PRKCE: variants seen among roughly 807,000 people sequenced by gnomAD.
PRKCE encodes protein kinase C epsilon type.
Under a neutral mutation model 85.4 loss-of-function variants are expected in PRKCE, and 16 were observed. The observed-to-expected ratio is 0.19, with a 90% CI of 0.13 to 0.28. The LOEUF (loss-of-function observed/expected upper bound fraction) is 0.28. Ranked by LOEUF, PRKCE falls within the 10% of genes least tolerant of loss-of-function variation. The pLI is 1.00. For synonymous variants in PRKCE, 388 were observed against 371.5 expected (o/e 1.04, Z -0.51); for missense variants, 573 against 975.2 (o/e 0.59, Z 5.49).
chr2:46,079,951 T>C (rs547517685), intron 10 of PRKCE, among the ~76,000 whole-genome samples: 1 of 152,342 alleles, frequency 6.6e-6, no homozygotes, highest in Admixed American at 6.5e-5. Flanking sequence ...TCTTTCCTAA[T>C]TTTATTATTT....
In PRKCE at chr2:46,138,825, G is replaced by A. The variant is rs879300329; in HGVS notation, c.1593-6268G>A. 3.3e-5 allele frequency among the ~76,000 whole-genome samples: 5 copies of A among 152,126 alleles called. No homozygotes were observed. The highest frequency in any genetic ancestry group is 7.4e-5 in the Non-Finnish European group (5 of 68,022). On this transcript the variant is annotated intron_variant, in intron 11 of 14. Transcript: ENST00000306156. The surrounding 1 kb of genome is among the most constrained non-coding windows in gnomAD (Gnocchi z 4.2). ...TAAACATCCTGTAGTACACAGCACA[G>A]CCCCCCACAACACAGGATTATCCAG...
At chr2:45,796,534 G>A (rs1687451521) in intron 1 of PRKCE, among the ~76,000 whole-genome samples, 1 of 152,106 alleles carries the variant, frequency 6.6e-6, no homozygotes, top group South Asian at 2.1e-4. Context: ...TTGAGAGGTG[G>A]CACTGTCTTA....
chr2:45,968,404 C>T (rs1701878232), intron 2 of PRKCE, among the ~76,000 whole-genome samples: 1 of 152,086 alleles, frequency 6.6e-6, no homozygotes, highest in South Asian at 2.1e-4. Flanking sequence ...CATGTTCTCA[C>T]TTAAAAGCAG....
intron 1 of PRKCE, among the ~76,000 whole-genome samples, chr2:45,664,149 T>A (rs1285527956): frequency 6.6e-6 from 1 of 152,230 alleles, no homozygotes; most frequent in Non-Finnish European, 1.5e-5. Flanking sequence ...AATTTTCTTT[T>A]GTTTGTTTAT....
chr2:46,098,109 G>T (rs767854586), intron 11 of PRKCE, among the ~76,000 whole-genome samples: 1 of 152,158 alleles, frequency 6.6e-6, no homozygotes, highest in African/African-American at 2.4e-5. Context: ...TGTGTTCAGA[G>T]CAAAAATTAT....
chr2:45,752,140 C>G (rs575424151), intron 1 of PRKCE, among the ~76,000 whole-genome samples: 24 of 152,312 alleles, frequency 1.6e-4, no homozygotes, highest in South Asian at 8.3e-4. Context: ...AGCAAGAAAA[C>G]AAGTGAACAT....
At chr2:45,940,605 C>G (rs1198563102) in intron 2 of PRKCE, among the ~76,000 whole-genome samples, 2 of 152,176 alleles carry the variant, frequency 1.3e-5, no homozygotes, top group East Asian at 3.9e-4. Context: ...GGTACATTCA[C>G]TGGTCCACAC....
At chr2:45,683,753 C>G (rs505310) in intron 1 of PRKCE, among the ~76,000 whole-genome samples, 1 of 151,952 alleles carries the variant, frequency 6.6e-6, no homozygotes, top group South Asian at 2.1e-4. Context: ...ACAAGATAAA[C>G]GGTCCCAGGC....
At chr2:46,006,475 GC>G (rs74563883) in intron 8 of PRKCE, among the ~76,000 whole-genome samples, 23,939 of 152,144 alleles carry the variant, frequency 0.16, 2,591 homozygotes, top group East Asian at 0.33. Context: ...CCTTGAGTAA[GC>G]CCTTATGGGA....
At chr2:46,119,784 A>G (rs1376958565) in intron 11 of PRKCE, among the ~76,000 whole-genome samples, 1 of 152,228 alleles carries the variant, frequency 6.6e-6, no homozygotes, top group African/African-American at 2.4e-5. Context: ...CTTGTGAGGA[A>G]CACTCCACCC....
chr2:45,675,070 G>A (rs1010125835), intron 1 of PRKCE, among the ~76,000 whole-genome samples: 1 of 152,200 alleles, frequency 6.6e-6, no homozygotes, highest in African/African-American at 2.4e-5. Flanking sequence ...GAAAGGAAGG[G>A]ATGAGGTGAG....
intron 1 of PRKCE, among the ~76,000 whole-genome samples, chr2:45,659,277 C>A (rs765532555): frequency 6.6e-6 from 1 of 152,194 alleles, no homozygotes; most frequent in Non-Finnish European, 1.5e-5. Context: ...CAGCCAAAAA[C>A]CTTGAGGGGC....
At chr2:45,866,350 G>A (rs967332174) in intron 2 of PRKCE, among the ~76,000 whole-genome samples, 2 of 151,552 alleles carry the variant, frequency 1.3e-5, no homozygotes, top group South Asian at 2.1e-4. Flanking sequence ...CTCTGTTACC[G>A]AGGCTGGAAT....
chr2:45,657,999 C>G (rs1206481516), intron 1 of PRKCE, among the ~76,000 whole-genome samples: 1 of 152,196 alleles, frequency 6.6e-6, no homozygotes, highest in Non-Finnish European at 1.5e-5. Flanking sequence ...ATATATGTTA[C>G]TCTAGAGCAC....
intron 1 of PRKCE, among the ~76,000 whole-genome samples, chr2:45,689,835 G>A (rs1227452253): frequency 6.6e-6 from 1 of 150,574 alleles, no homozygotes; most frequent in Admixed American, 6.7e-5. Context: ...GGCAGAGGTT[G>A]CAGTGAGCAG....
intron 14 of PRKCE, among the ~76,000 whole-genome samples, chr2:46,180,370 G>C (rs574103876): frequency 1.3e-5 from 2 of 152,318 alleles, no homozygotes; most frequent in South Asian, 2.1e-4. Flanking sequence ...GATGAGGCAA[G>C]GACAAGCTCC....
intron 2 of PRKCE, among the ~76,000 whole-genome samples, chr2:45,958,820 T>A (rs898349352): frequency 0.079 from 572 of 7,218 alleles, 7 homozygotes; most frequent in East Asian, 0.28. Flanking sequence ...ATATATATTT[T>A]TTTTTTTTTT....
chr2:45,771,736 TGA>T (rs1553406524), intron 1 of PRKCE, among the ~76,000 whole-genome samples: 132 of 141,090 alleles, frequency 9.4e-4, no homozygotes, highest in African/African-American at 3.1e-3. Context: ...TGTGTGTGTG[TGA>T]GTGTGTGTTG....
chr2:46,179,377 C>T (rs925108154), intron 14 of PRKCE, among the ~76,000 whole-genome samples: 21 of 152,058 alleles, frequency 1.4e-4, no homozygotes, highest in African/African-American at 3.9e-4. Context: ...CCACCACAGC[C>T]GCTGAGTCTC....
Sources: allele counts gnomAD v4.1 joint callset (sites outside exome capture counted in the v4.1 genomes callset), GRCh38; gene constraint gnomAD v4.1.1; non-coding constraint Gnocchi (gnomAD v3.1); transcripts MANE v1.5; gene names NCBI Gene and HGNC (gene_info 2026-07-23, HGNC 2026-07-21).